The following PPP1R7 variants were observed in gnomAD, a reference collection of about 807,000 sequenced individuals.
The protein encoded by PPP1R7 is protein phosphatase 1 regulatory subunit 22.
In PPP1R7, 18 loss-of-function variants were observed where a neutral mutation model predicts 45.2. The ratio of observed to expected loss-of-function variants is 0.40; its 90% confidence interval spans 0.28 to 0.59. The LOEUF (loss-of-function observed/expected upper bound fraction) is 0.59. Among genes scored for constraint, PPP1R7 ranks in the 20% least tolerant of loss-of-function variants. The pLI, the probability that PPP1R7 is intolerant of heterozygous loss-of-function variation, is 0.46. For missense variants in PPP1R7, 314 were observed against 455.8 expected, an observed-to-expected ratio of 0.69 and a Z score of 2.83; for synonymous variants, 181 against 183.4, an observed-to-expected ratio of 0.99 and a Z score of 0.11.
chr2:241,151,516 A>T, intron 1 of PPP1R7: 1 of 471,254 alleles, frequency 2.1e-6, no homozygotes, highest in South Asian at 1.5e-5. Flanking sequence ...GGAAAAGAGC[A>T]AGAATCACTC....
At chr2:241,150,620 G>A in intron 1 of PPP1R7, 73 bp downstream of exon 1, 1 of 1,451,038 alleles carries the variant, frequency 6.9e-7, no homozygotes, top group Non-Finnish European at 9.1e-7. Context: ...ACTGCTCCGT[G>A]CCTGAGAGAA....
intron 2 of PPP1R7, among the ~76,000 whole-genome samples, chr2:241,156,295 G>C (rs544000648): frequency 6.6e-6 from 1 of 152,354 alleles, no homozygotes; most frequent in Admixed American, 6.5e-5. Flanking sequence ...ATAATTCACA[G>C]ACTCCAGACT....
intron 2 of PPP1R7, among the ~76,000 whole-genome samples, chr2:241,155,923 T>A (rs2067447012): frequency 6.6e-6 from 1 of 152,264 alleles, no homozygotes; most frequent in Admixed American, 6.5e-5. Flanking sequence ...TTTATTTAAT[T>A]CTTAGGTTGG....
At chr2:241,161,497 T>C (rs978847820) in intron 6 of PPP1R7, among the ~76,000 whole-genome samples, 3 of 152,276 alleles carry the variant, frequency 2.0e-5, no homozygotes, top group African/African-American at 7.2e-5. Context: ...CTCTTGATGC[T>C]GACACACTCC....
upstream of PPP1R7, chr2:241,149,842 G>A (rs761008765): frequency 1.1e-5 from 16 of 1,491,222 alleles, no homozygotes; most frequent in Non-Finnish European, 1.4e-5. Flanking sequence ...GGAACGACTT[G>A]CAAGGGGAGC....
In PPP1R7 at chr2:241,157,789, T is replaced by G; in HGVS notation, c.182-18T>G. 3 of 1,610,620 alleles carry G rather than the reference T, an allele frequency of 1.9e-6. No individual in the cohort carries two copies. The highest frequency in any genetic ancestry group is 2.5e-6 in the Non-Finnish European group (3 of 1,177,006). Reference sequence around the variant, plus strand: ...GTTAATGGGGTTCTGAACAAATCTCTTTTTCTTATTTTTTCAGAAGAACAT... The same window carrying G: ...GTTAATGGGGTTCTGAACAAATCTCGTTTTCTTATTTTTTCAGAAGAACAT... On this transcript the variant is annotated intron_variant, in intron 2 of 9. Coordinates refer to ENST00000234038, the MANE Select transcript of PPP1R7 (RefSeq NM_002712.3).
intron 9 of PPP1R7, among the ~76,000 whole-genome samples, chr2:241,180,393 A>T (rs1430509310): frequency 9.1e-5 from 7 of 76,804 alleles, no homozygotes; most frequent in Non-Finnish European, 2.1e-4. Context: ...TGAGCTAAAA[A>T]AAAAAAAAAA....
chr2:241,180,602 C>T (rs1018640304), intron 9 of PPP1R7, among the ~76,000 whole-genome samples: 1 of 152,030 alleles, frequency 6.6e-6, no homozygotes, highest in Admixed American at 6.6e-5. Context: ...GACCAGTGAC[C>T]GGCCAATCAC....
chr2:241,158,970 G>A (rs938878234), intron 4 of PPP1R7: 1 of 504,514 alleles, frequency 2.0e-6, no homozygotes, highest in Admixed American at 2.9e-5. Context: ...TGGCCTGCTT[G>A]GTGGGGAGCC....
At chr2:241,179,045 T>C (rs1044954636) in intron 9 of PPP1R7, among the ~76,000 whole-genome samples, 8 of 152,132 alleles carry the variant, frequency 5.3e-5, no homozygotes, top group African/African-American at 7.2e-5. Flanking sequence ...AGGTATCCTA[T>C]GTATGTATAT....
chr2:241,149,634 A>G, upstream of PPP1R7: 1 of 1,538,836 alleles, frequency 6.5e-7, no homozygotes, highest in Non-Finnish European at 8.7e-7. Context: ...GCTTCGGAGG[A>G]GCCAAAGGAA....
intron 6 of PPP1R7, among the ~76,000 whole-genome samples, chr2:241,161,186 C>T (rs889950095): frequency 7.9e-6 from 1 of 127,384 alleles, no homozygotes; most frequent in Non-Finnish European, 1.6e-5. Context: ...CATACTTCTT[C>T]GAGATGAAAG....
chr2:241,172,336 C>T lies in PPP1R7; in HGVS notation c.906+2469C>T, dbSNP rs993387872. Among the ~76,000 whole-genome samples the T allele has an allele frequency of 3.3e-5, 5 of 152,066 alleles. No individual in the cohort carries two copies. The East Asian group carries it at 7.7e-4, about 23-fold the overall frequency. On this transcript the variant is annotated intron_variant, in intron 9 of 9. Coordinates refer to ENST00000234038, the MANE Select transcript of PPP1R7 (RefSeq NM_002712.3). ...TAAATATCTTACGATCCCCATGATA[C>T]CTTATCTTTTAAAGAAATTTAAAAA...
At chr2:241,151,892 T>G (rs1162574994) in intron 1 of PPP1R7, among the ~76,000 whole-genome samples, 1 of 152,196 alleles carries the variant, frequency 6.6e-6, no homozygotes, top group Non-Finnish European at 1.5e-5. Flanking sequence ...CACCAGCCCA[T>G]CATCCCCAGT....
At chr2:241,163,525 A>G (rs570114528) in intron 7 of PPP1R7, 124 bp downstream of exon 7, 45 of 682,470 alleles carry the variant, frequency 6.6e-5, no homozygotes, top group Non-Finnish European at 1.1e-4. Context: ...ATTAGTAAGC[A>G]ATTGAAACAT....
At chr2:241,173,234 T>C (rs2067849722) in intron 9 of PPP1R7, among the ~76,000 whole-genome samples, 1 of 139,836 alleles carries the variant, frequency 7.2e-6, no homozygotes, top group Admixed American at 7.7e-5. Flanking sequence ...ATCATGCCAC[T>C]GTAGTCCAAC....
chr2:241,169,252 T>C (rs1441854334), intron 8 of PPP1R7, among the ~76,000 whole-genome samples: 1 of 152,004 alleles, frequency 6.6e-6, no homozygotes, highest in Non-Finnish European at 1.5e-5. Flanking sequence ...AGGCCTGGGG[T>C]CTGAGAGTCC....
At chr2:241,157,893 C>T (rs1553620751) in intron 3 of PPP1R7, 31 bp downstream of exon 3, 5 of 1,601,734 alleles carry the variant, frequency 3.1e-6, no homozygotes, top group South Asian at 1.1e-5. Context: ...CAGCCTTGGG[C>T]GTGGTGATGG....
At chr2:241,166,079 T>A (rs2067702264) in intron 7 of PPP1R7, among the ~76,000 whole-genome samples, 2 of 138,442 alleles carry the variant, frequency 1.4e-5, no homozygotes, top group South Asian at 5.3e-4. Flanking sequence ...ATTTTTTGTA[T>A]TTTTAGTAGA....
Sources: allele counts gnomAD v4.1 joint callset (sites outside exome capture counted in the v4.1 genomes callset), GRCh38; gene constraint gnomAD v4.1.1; transcripts MANE v1.5; gene names NCBI Gene and HGNC (gene_info 2026-07-23, HGNC 2026-07-21).